Variants in EYA1 observed in about 807,000 individuals in gnomAD.
EYA1 encodes EYA transcriptional coactivator and phosphatase 1.
In EYA1, 16 loss-of-function variants were observed where a neutral mutation model predicts 82.0. The ratio of observed to expected loss-of-function variants is 0.20; its 90% CI spans 0.13 to 0.30. EYA1 has a LOEUF of 0.30. Among genes scored for constraint, EYA1 ranks in the 10% least tolerant of loss-of-function variants. EYA1 has a pLI of 1.00. For missense variants in EYA1, 633 were observed against 730.7 expected, an observed-to-expected ratio of 0.87 and a Z score of 1.54; for synonymous variants, 261 against 264.4, an observed-to-expected ratio of 0.99 and a Z score of 0.12.
In EYA1 at chr8:71,381,100, C is replaced by T. The variant is rs568822775; in HGVS notation, c.34-24589G>A. Among the ~76,000 whole-genome samples, 480 of 152,260 alleles carry T rather than the reference C, an allele frequency of 3.2e-3. 6 individuals are homozygous for T. The highest frequency in any genetic ancestry group is 0.011 in the African/African-American group (457 of 41,540). Reference sequence around the variant, plus strand: ...AAAGATATCAAAGATTATCAAAGCTCGAATCCATAAAGCAGCTGGCCAGGC... The same window carrying T: ...AAAGATATCAAAGATTATCAAAGCTTGAATCCATAAAGCAGCTGGCCAGGC... On this transcript the variant is annotated intron_variant, in intron 2 of 18. Transcript: ENST00000643681.
At chr8:71,223,150 G>A (rs1481727203) in intron 12 of EYA1, among the ~76,000 whole-genome samples, 2 of 152,226 alleles carry the variant, frequency 1.3e-5, no homozygotes, top group Non-Finnish European at 2.9e-5. Flanking sequence ...GAAAGCATAG[G>A]TTTTAGCATA....
chr8:71,506,448 A>C (rs1236936060), intron 2 of EYA1, among the ~76,000 whole-genome samples: 1 of 152,220 alleles, frequency 6.6e-6, no homozygotes, highest in Non-Finnish European at 1.5e-5. Flanking sequence ...ACTATGATGC[A>C]TGATGTGTAT....
chr8:71,434,802 A>C (rs1359976289), intron 2 of EYA1, among the ~76,000 whole-genome samples: 1 of 152,176 alleles, frequency 6.6e-6, no homozygotes, highest in Non-Finnish European at 1.5e-5. Flanking sequence ...TTTTTAGAAA[A>C]AGTGTGTGTT....
At chr8:71,336,891 A>AGC (rs879672728) in intron 3 of EYA1, among the ~76,000 whole-genome samples, 1 of 152,210 alleles carries the variant, frequency 6.6e-6, no homozygotes, top group East Asian at 1.9e-4. Flanking sequence ...ACCTGATGCT[A>AGC]AAGACTGGTG....
intron 2 of EYA1, among the ~76,000 whole-genome samples, chr8:71,373,481 AT>A (rs1828198435): frequency 1.3e-5 from 2 of 152,228 alleles, no homozygotes; most frequent in South Asian, 4.1e-4. Flanking sequence ...GATGAAAGAA[AT>A]TAAGAAGACA....
At chr8:71,263,796 AAC>A (rs1815431145) in intron 11 of EYA1, among the ~76,000 whole-genome samples, 1 of 152,346 alleles carries the variant, frequency 6.6e-6, no homozygotes, top group African/African-American at 2.4e-5. Flanking sequence ...AAACTTAAAC[AAC>A]ATTCTTAAAG....
intron 17 of EYA1, 75 bp downstream of exon 17, chr8:71,211,081 T>G: frequency 1.1e-6 from 1 of 916,324 alleles, no homozygotes; most frequent in Non-Finnish European, 1.8e-6. Context: ...GGAACCTGTT[T>G]AAATGATCCA....
intron 2 of EYA1, among the ~76,000 whole-genome samples, chr8:71,500,766 C>G (rs2129237330): frequency 6.6e-6 from 1 of 152,280 alleles, no homozygotes; most frequent in Admixed American, 6.5e-5. Flanking sequence ...TGCACACACA[C>G]ACATACACAT....
intron 2 of EYA1, among the ~76,000 whole-genome samples, chr8:71,492,124 T>C (rs1036656330): frequency 6.6e-6 from 1 of 152,146 alleles, no homozygotes; most frequent in Admixed American, 6.5e-5. Context: ...TGACATCTCC[T>C]TTTAAAATGT....
rs1189743427 is a variant in EYA1, at chr8:71,407,683, A to G, written c.34-51172T>C. ...GGGAAGTTTAGAGAAAAAAGAATAA[A>G]AAGAAATGAGCAAAGCCTCCAAGAA... On this transcript the variant is annotated intron_variant, in intron 2 of 18. Coordinates refer to the EYA1 transcript ENST00000643681. Among the ~76,000 whole-genome samples, 3 of 121,356 alleles carry G rather than the reference A, an allele frequency of 2.5e-5. No individual in the cohort carries two copies. In the East Asian group the frequency reaches 6.3e-4, roughly 25 times the overall value. 79.6% of individuals were successfully genotyped at this position (121,356 alleles called of 152,430 possible). A position where few individuals can be genotyped will look rare whatever the true frequency, so the allele number is the denominator to read the frequency against.
intron 10 of EYA1, 67 bp downstream of exon 10, chr8:71,271,691 G>A (rs1365862542): frequency 1.3e-6 from 2 of 1,570,684 alleles, no homozygotes. Context: ...TACGTAGCAG[G>A]TATGTAAAAC....
chr8:71,396,256 T>G (rs1270767818), intron 2 of EYA1, among the ~76,000 whole-genome samples: 1 of 151,996 alleles, frequency 6.6e-6, no homozygotes, highest in Non-Finnish European at 1.5e-5. Flanking sequence ...CTGGATTCAT[T>G]GATTTTTTGA....
intron 2 of EYA1, among the ~76,000 whole-genome samples, chr8:71,493,830 C>T (rs947424457): frequency 7.2e-4 from 108 of 148,982 alleles, no homozygotes; most frequent in Admixed American, 1.8e-3. Context: ...GAGACCATCC[C>T]GGCTAAAACG....
chr8:71,533,791 C>T (rs1300429018), intron 2 of EYA1, among the ~76,000 whole-genome samples: 1 of 152,164 alleles, frequency 6.6e-6, no homozygotes, highest in Non-Finnish European at 1.5e-5. Context: ...GCCAAATTGC[C>T]AGGACACAGA....
intron 7 of EYA1, among the ~76,000 whole-genome samples, chr8:71,307,844 G>A (rs7831030): frequency 0.66 from 100,822 of 152,020 alleles, 33,814 homozygotes; most frequent in East Asian, 0.89. Flanking sequence ...CATGGTCCAG[G>A]TTCTGCCCTC....
At chr8:71,335,255 T>G (rs1169899696) in intron 3 of EYA1, among the ~76,000 whole-genome samples, 1 of 152,162 alleles carries the variant, frequency 6.6e-6, no homozygotes, top group Non-Finnish European at 1.5e-5. Context: ...AGCAAATACA[T>G]TTTGAAGCGG....
At chr8:71,518,633 A>G (rs972488739) in intron 2 of EYA1, among the ~76,000 whole-genome samples, 3 of 152,226 alleles carry the variant, frequency 2.0e-5, no homozygotes, top group African/African-American at 7.2e-5. Context: ...ATAAAGTTTT[A>G]CAACTTCAGC....
chr8:71,363,418 C>G (rs1827559168), upstream of EYA1, among the ~76,000 whole-genome samples: 1 of 152,116 alleles, frequency 6.6e-6, no homozygotes, highest in Admixed American at 6.5e-5. Context: ...GAAAAGAACA[C>G]TTTGTCAAAC....
chr8:71,393,390 C>A (rs1291431400), intron 2 of EYA1, among the ~76,000 whole-genome samples: 1 of 152,120 alleles, frequency 6.6e-6, no homozygotes, highest in African/African-American at 2.4e-5. Flanking sequence ...TGGTGTGCTG[C>A]ACCCGTTAAC....
Sources: gnomAD v4.1 joint callset for allele counts (sites outside exome capture counted in the v4.1 genomes callset) on GRCh38, gnomAD v4.1.1 for gene constraint, MANE v1.5 for transcripts, NCBI Gene and HGNC (gene_info 2026-07-23, HGNC 2026-07-21) for gene names.